The following KNTC1 variants were observed in gnomAD, a reference collection of about 807,000 sequenced individuals.
KNTC1 encodes the protein kinetochore-associated protein 1.
A neutral mutation model predicts 314.4 loss-of-function variants in KNTC1; 253 were observed. The ratio of observed to expected loss-of-function variants is 0.80; its 90% CI spans 0.73 to 0.89. The LOEUF (loss-of-function observed/expected upper bound fraction) is 0.89. Ranked by LOEUF, KNTC1 falls within the 40% of genes least tolerant of loss-of-function variation. The pLI, the probability that KNTC1 is intolerant of heterozygous loss-of-function variation, is 0.00. For synonymous variants in KNTC1, 901 were observed against 901.4 expected, an observed-to-expected ratio of 1.00 and a Z score of 0.01; for missense variants, 2,475 against 2,572.9, an observed-to-expected ratio of 0.96 and a Z score of 0.82.
At chr12:122,549,957 C>T (rs916219738) in intron 13 of KNTC1, 93 bp downstream of exon 13, 8 of 694,210 alleles carry the variant, frequency 1.2e-5, no homozygotes, top group Admixed American at 8.6e-5. Context: ...AATAATTAAG[C>T]TAAGCATTAG....
intron 3 of KNTC1, among the ~76,000 whole-genome samples, chr12:122,537,744 T>C (rs927806055): frequency 2.0e-5 from 3 of 152,066 alleles, no homozygotes; most frequent in Non-Finnish European, 2.9e-5. Context: ...TGTCTTAGAA[T>C]ATGAGCTCTG....
Position 122,547,475 on chromosome 12 carries a change from C to A in KNTC1, c.877C>A (p.His293Asn). Reference sequence around the variant, plus strand: ...TCCTGTATGGAACTGGCCCTCTCTTCACGTAGAAGAGTTTCTTCTTACTAC... The same window carrying A: ...TCCTGTATGGAACTGGCCCTCTCTTAACGTAGAAGAGTTTCTTCTTACTAC... Reference protein sequence around the residue: ...LTPVWNWPSLHVEEFLLTTEA... With the variant: ...LTPVWNWPSLNVEEFLLTTEA... Residue 293 changes from histidine (H) to asparagine (N), a missense_variant, in exon 11 of 64, where the codon CAC becomes AAC. His to Asn is a moderately conservative substitution (Grantham distance 68). Coordinates refer to ENST00000333479, the MANE Select transcript of KNTC1 (RefSeq NM_014708.6). The A allele has an allele frequency of 6.2e-7, 1 of 1,613,308 alleles. No individual in the cohort carries two copies. Among genetic ancestry groups the A allele is most frequent in the Admixed American group, 1.7e-5 (1 of 59,978 alleles).
At chr12:122,555,828 G>A (rs1037105102) in intron 16 of KNTC1, among the ~76,000 whole-genome samples, 3 of 152,106 alleles carry the variant, frequency 2.0e-5, no homozygotes, top group African/African-American at 4.8e-5. Flanking sequence ...CAGCCTGGGC[G>A]ACAGAGCGAG....
chr12:122,626,396 A>G lies in KNTC1; in HGVS notation c.*168A>G, dbSNP rs1875055025. 1.7e-6 allele frequency: 1 copy of G among 587,008 alleles called. No individual in the cohort carries two copies. Among genetic ancestry groups the G allele is most frequent in the Non-Finnish European group, 3.0e-6 (1 of 332,560 alleles). 36.4% of individuals were successfully genotyped at this position (587,008 alleles called of 1,614,324 possible). ...TATGAGCATAATTGCCCCATAAAGAACTCATGTCCTGAATTAATAAGTCTT... is the reference window on the plus strand; with the variant it reads ...TATGAGCATAATTGCCCCATAAAGAGCTCATGTCCTGAATTAATAAGTCTT... On this transcript the variant is annotated 3_prime_UTR_variant, in exon 64 of 64. Transcript: ENST00000333479.
intron 22 of KNTC1, among the ~76,000 whole-genome samples, chr12:122,570,499 C>T (rs1964614559): frequency 1.4e-5 from 2 of 145,296 alleles, no homozygotes; most frequent in Non-Finnish European, 1.5e-5. Flanking sequence ...GGGTGATGAG[C>T]GAAACCCTGT....
chr12:122,528,867 GT>G (rs34881218), intron 1 of KNTC1, among the ~76,000 whole-genome samples: 45,415 of 151,840 alleles, frequency 0.3, 7,594 homozygotes, highest in East Asian at 0.45. Context: ...CCAAGACGGA[GT>G]TTCACTCTTG....
In KNTC1 at chr12:122,582,786, G is replaced by C; in HGVS notation, c.3064G>C (p.Ala1022Pro). 1 of 1,612,792 alleles carries C rather than the reference G, an allele frequency of 6.2e-7. No individual in the cohort carries two copies. Among genetic ancestry groups the C allele is most frequent in the Non-Finnish European group, 8.5e-7 (1 of 1,179,494 alleles). ...VADLREQHIK[A>P]HEVAQAKHKP... ...AGATCTCCGTGAGCAGCACATTAAA[G>C]CTCACGAAGTTGCACAGGCGAAACA... The change falls in exon 34 of 64, where the codon GCT becomes CCT. Residue 1022 changes from alanine to proline, a missense_variant. Transcript: ENST00000333479.
At chr12:122,600,929 G>A (rs900379773) in intron 44 of KNTC1, among the ~76,000 whole-genome samples, 7 of 152,172 alleles carry the variant, frequency 4.6e-5, no homozygotes, top group African/African-American at 1.4e-4. Context: ...GCCTCCCAAA[G>A]TGCTGGGATT....
At chr12:122,549,406 G>A (rs1251249621) in intron 12 of KNTC1, among the ~76,000 whole-genome samples, 1 of 151,838 alleles carries the variant, frequency 6.6e-6, no homozygotes, top group Non-Finnish European at 1.5e-5. Context: ...CCGGAGTGCA[G>A]TGGCACAATC....
At chr12:122,558,537 C>T (rs1388867831) in intron 18 of KNTC1, among the ~76,000 whole-genome samples, 1 of 151,696 alleles carries the variant, frequency 6.6e-6, no homozygotes, top group African/African-American at 2.4e-5. Context: ...GGCGACAGAG[C>T]AAGACTCCGT....
chr12:122,575,842 A>C lies in KNTC1; in HGVS notation c.2529A>C (p.Lys843Asn), dbSNP rs1565975016. The C allele has an allele frequency of 1.9e-6, 3 of 1,613,638 alleles. No individual in the cohort carries two copies. Among genetic ancestry groups the C allele is most frequent in the Non-Finnish European group, 2.5e-6 (3 of 1,179,776 alleles). ...AAAGTTACAAACTAATGGAGATGAAAAAACTTTTACGAGGCTATGGAATAA... is the reference window on the plus strand; with the variant it reads ...AAAGTTACAAACTAATGGAGATGAACAAACTTTTACGAGGCTATGGAATAA... ...LQESYKLMEM[K>N]KLLRGYGIRE... The change falls in exon 29 of 64, where the codon AAA (lysine) becomes AAC (asparagine). Residue 843 changes from lysine (K) to asparagine (N), a missense_variant. Transcript: ENST00000333479.
At chr12:122,564,602 G>T (rs114224412) in intron 20 of KNTC1, among the ~76,000 whole-genome samples, 1 of 151,822 alleles carries the variant, frequency 6.6e-6, no homozygotes, top group African/African-American at 2.4e-5. Context: ...CAAGTAGCTT[G>T]GGACTACAGA....
chr12:122,614,989 A>G lies in KNTC1; in HGVS notation c.5878-2A>G, dbSNP rs771526735. ...ATGATTTTTTTCTTTTTTTGGCTTC[A>G]GGCAGTAAGATTGGTGACTGAGCTG... is the stretch of plus-strand genomic sequence containing the variant. On this transcript the variant is annotated splice_acceptor_variant, in intron 55 of 63. Coordinates refer to ENST00000333479, the MANE Select transcript of KNTC1 (RefSeq NM_014708.6). LOFTEE classifies it high-confidence loss of function. 1 of 1,609,000 alleles carries G rather than the reference A, an allele frequency of 6.2e-7. No homozygotes were observed.
chr12:122,612,638 T>C (rs1377560015), intron 53 of KNTC1, among the ~76,000 whole-genome samples: 1 of 151,638 alleles, frequency 6.6e-6, no homozygotes, highest in African/African-American at 2.4e-5. Flanking sequence ...CAGGCTGGTC[T>C]TGAACTCCTG....
At chr12:122,624,259 T>C (rs984907372) in intron 62 of KNTC1, among the ~76,000 whole-genome samples, 2 of 135,376 alleles carry the variant, frequency 1.5e-5, no homozygotes, top group Non-Finnish European at 3.4e-5. Flanking sequence ...CTTCAATGCC[T>C]CTTTTTCTTT....
At chr12:122,566,481 C>G (rs557754119) in intron 20 of KNTC1, among the ~76,000 whole-genome samples, 43 of 151,888 alleles carry the variant, frequency 2.8e-4, no homozygotes, top group African/African-American at 8.9e-4. Flanking sequence ...ATGATCTCAG[C>G]TCACTGCAAC....
At position 122,580,690 on chromosome 12, in the gene KNTC1, T is replaced by A. The variant is rs934440855; in HGVS notation, c.2982+20T>A. 1 of 1,462,804 alleles carries A rather than the reference T, an allele frequency of 6.8e-7. No individual in the cohort carries two copies. The allele number at this position is 1,462,804 out of a possible 1,614,324, so 90.6% of individuals were successfully genotyped here. ...TTACAGGTAAACATATTGAGCCATG[T>A]TAAACATTATTACTTGACCAATCAG... On this transcript the variant is annotated intron_variant, in intron 33 of 63. Coordinates refer to ENST00000333479, the MANE Select transcript of KNTC1 (RefSeq NM_014708.6).
chr12:122,533,629 T>A (rs1287122315), intron 2 of KNTC1, among the ~76,000 whole-genome samples: 1 of 152,082 alleles, frequency 6.6e-6, no homozygotes, highest in Non-Finnish European at 1.5e-5. Context: ...CCCAGGTGTT[T>A]AAGGCTGCAG....
intron 61 of KNTC1, 149 bp downstream of exon 61, chr12:122,622,119 A>AT: frequency 1.4e-6 from 1 of 698,064 alleles, no homozygotes; most frequent in South Asian, 1.7e-5. Flanking sequence ...ACCTCAGTAA[A>AT]TTTTTTAAGA....
Sources: allele counts gnomAD v4.1 joint callset (sites outside exome capture counted in the v4.1 genomes callset), GRCh38; gene constraint gnomAD v4.1.1; transcripts MANE v1.5; gene names NCBI Gene and HGNC (gene_info 2026-07-23, HGNC 2026-07-21).